ARHGEF9: variants seen among roughly 807,000 people sequenced by gnomAD.
ARHGEF9 encodes Cdc42 guanine nucleotide exchange factor 9.
In ARHGEF9, 2 loss-of-function variants were observed where a neutral mutation model predicts 41.3. The observed-to-expected ratio is 0.05, with a 90% CI of 0.02 to 0.15. The LOEUF (loss-of-function observed/expected upper bound fraction) is 0.15, where lower values mean the gene tolerates loss of function less well. ARHGEF9 is among the 10% of genes least tolerant of loss of function. The pLI is 1.00. For synonymous variants in ARHGEF9, 160 were observed against 154.4 expected (o/e 1.04, Z -0.27); for missense variants, 225 against 424.7 (o/e 0.53, Z 4.13).
chrX:63,655,368 C>A, intron 8 of ARHGEF9, 126 bp downstream of exon 8: 2 of 1,013,478 alleles, frequency 2.0e-6, no homozygotes, highest in Non-Finnish European at 2.7e-6. Flanking sequence ...TAATAAGGAA[C>A]CACCAAAGTA....
intron 8 of ARHGEF9, among the ~76,000 whole-genome samples, chrX:63,654,198 T>C (rs1329918868): frequency 2.7e-5 from 3 of 109,981 alleles, no homozygotes; most frequent in African/African-American, 9.9e-5. Flanking sequence ...GATGAACATA[T>C]GCCTGTTCAG....
intron 1 of ARHGEF9, among the ~76,000 whole-genome samples, chrX:63,761,410 C>T (rs1433229056): frequency 8.9e-6 from 1 of 111,746 alleles, no homozygotes; most frequent in Non-Finnish European, 1.9e-5. Flanking sequence ...TAAAATAGTG[C>T]TTAGCACTCA....
chrX:63,707,247 A>G (rs1472512772), intron 2 of ARHGEF9, among the ~76,000 whole-genome samples: 1 of 110,714 alleles, frequency 9.0e-6, no homozygotes, highest in Admixed American at 9.6e-5. Flanking sequence ...ACAGGAAAAG[A>G]AAAGGAAAGG....
At chrX:63,707,507 T>C (rs1251334985) in intron 2 of ARHGEF9, 1 of 109,860 alleles carries the variant, frequency 9.1e-6, no homozygotes, top group Non-Finnish European at 1.9e-5. Flanking sequence ...GGGGAAACCA[T>C]GGGGGCAGGA....
chrX:63,711,587 C>T (rs782467965), intron 2 of ARHGEF9, among the ~76,000 whole-genome samples: 2 of 112,025 alleles, frequency 1.8e-5, no homozygotes, highest in Non-Finnish European at 3.8e-5. Flanking sequence ...GGTGCTGGTA[C>T]AACTGGATAT....
At position 63,635,669 on chromosome X, in the gene ARHGEF9, C is replaced by T; in HGVS notation, c.*2359G>A. ...GAAGTGCGGGTTGAGAAGTAATATC[C>T]CTGATCCTGGAGCCCTGGGCAGAAG... On this transcript the variant is annotated 3_prime_UTR_variant, in exon 10 of 10. Coordinates refer to ENST00000671741, the MANE Select transcript of ARHGEF9 (RefSeq NM_001353921.2). 3.4e-6 allele frequency: 1 copy of T among 297,303 alleles called. No individual in the cohort carries two copies. The highest frequency in any genetic ancestry group is 7.4e-5 in the East Asian group (1 of 13,564). The allele number at this position is 297,303 out of a possible 1,213,427, so 24.5% of individuals were successfully genotyped here. A position where few individuals can be genotyped will look rare whatever the true frequency, so the allele number is the denominator to read the frequency against.
intron 1 of ARHGEF9, among the ~76,000 whole-genome samples, chrX:63,744,968 C>T (rs2055177368): frequency 9.0e-6 from 1 of 111,633 alleles, no homozygotes. Context: ...TCCTCCTCTG[C>T]CTCTATCCCA....
intron 1 of ARHGEF9, among the ~76,000 whole-genome samples, chrX:63,752,040 T>A (rs2055672341): frequency 8.9e-6 from 1 of 111,957 alleles, no homozygotes; most frequent in South Asian, 3.7e-4. Context: ...CATTCCCTTA[T>A]TGCTGTCCCA....
intron 1 of ARHGEF9, chrX:63,754,348 GT>G (rs1556444542): frequency 1.7e-6 from 2 of 1,206,880 alleles, no homozygotes; most frequent in Non-Finnish European, 2.2e-6. Context: ...AGCTCAAAAC[GT>G]TTTCCCCCCT....
Position 63,772,390 on chromosome X carries a change from T to G in ARHGEF9, c.30+12726A>C, listed in dbSNP as rs1259745572. On this transcript the variant is annotated intron_variant, in intron 1 of 9. Transcript: ENST00000671741. Reference sequence around the variant, plus strand: ...ACAGGGCCTGCAAAAGTCCTTTTCTTGTATCACAAAGCAGACCCTATCATT... The same window carrying G: ...ACAGGGCCTGCAAAAGTCCTTTTCTGGTATCACAAAGCAGACCCTATCATT... Among the ~76,000 whole-genome samples, 3 of 112,088 alleles carry G rather than the reference T, an allele frequency of 2.7e-5. No individual in the cohort carries two copies. In the Admixed American group the frequency reaches 2.8e-4, roughly 11 times the overall value.
chrX:63,723,611 G>A (rs2053772301), intron 2 of ARHGEF9, among the ~76,000 whole-genome samples: 1 of 112,075 alleles, frequency 8.9e-6, no homozygotes, highest in Admixed American at 9.5e-5. Flanking sequence ...GACATGCCCT[G>A]GCATTAAAGA....
At chrX:63,737,750 C>A (rs1405598713) in intron 1 of ARHGEF9, among the ~76,000 whole-genome samples, 1 of 111,886 alleles carries the variant, frequency 8.9e-6, no homozygotes, top group African/African-American at 3.3e-5. Flanking sequence ...ACTGGACCCA[C>A]CCAGAAATCC....
At chrX:63,746,564 C>G (rs1556434095) in intron 1 of ARHGEF9, among the ~76,000 whole-genome samples, 1 of 112,148 alleles carries the variant, frequency 8.9e-6, no homozygotes. Flanking sequence ...ACCTGTTTGA[C>G]ACTGAGTAAG....
At chrX:63,690,232 A>AAATCAAC (rs2051249330) in intron 4 of ARHGEF9, among the ~76,000 whole-genome samples, 1 of 111,396 alleles carries the variant, frequency 9.0e-6, no homozygotes, top group Admixed American at 9.6e-5. Flanking sequence ...AAGATACTCA[A>AAATCAAC]AATCAACAAA....
intron 1 of ARHGEF9, among the ~76,000 whole-genome samples, chrX:63,729,705 C>T (rs1419046291): frequency 3.6e-5 from 4 of 111,820 alleles, no homozygotes; most frequent in African/African-American, 1.3e-4. Flanking sequence ...GACAGCACTA[C>T]TGTGGCTTCT....
At chrX:63,726,709 C>G (rs1260052160) in intron 1 of ARHGEF9, 1 of 111,490 alleles carries the variant, frequency 9.0e-6, no homozygotes, top group Non-Finnish European at 1.9e-5. Flanking sequence ...GCCAATAACA[C>G]AAGTAATACA....
chrX:63,715,470 G>A (rs1402165778), intron 2 of ARHGEF9, among the ~76,000 whole-genome samples: 3 of 111,673 alleles, frequency 2.7e-5, no homozygotes, highest in Non-Finnish European at 5.6e-5. Flanking sequence ...CTTCAGGATG[G>A]TGATGTGGCA....
chrX:63,660,962 C>G (rs1189286229), intron 7 of ARHGEF9, among the ~76,000 whole-genome samples: 1 of 111,905 alleles, frequency 8.9e-6, no homozygotes, highest in Non-Finnish European at 1.9e-5. Context: ...TCCACTGTTC[C>G]CCACTACCTC....
chrX:63,649,477 A>G lies in ARHGEF9; in HGVS notation c.1322-5429T>C, dbSNP rs1180162546. On this transcript the variant is annotated intron_variant, in intron 8 of 9. Transcript: ENST00000671741. ...AAATTTATAGCACTAAATGCCCACA[A>G]GAGAAAGCAGGAAAGATCTTAAATT... 1.2e-4 allele frequency among the ~76,000 whole-genome samples: 13 copies of G among 111,695 alleles called. No homozygotes were observed. The Admixed American group carries it at 1.2e-3, about 11-fold the overall frequency.
Sources: gnomAD v4.1 joint callset for allele counts (sites outside exome capture counted in the v4.1 genomes callset) on GRCh38, gnomAD v4.1.1 for gene constraint, MANE v1.5 for transcripts, NCBI Gene and HGNC (gene_info 2026-07-23, HGNC 2026-07-21) for gene names.